The following ANKH variants were observed in gnomAD, a reference collection of about 807,000 sequenced individuals.
ANKH encodes ANKH inorganic pyrophosphate transport regulator, also known as mineralization regulator ANKH.
Under a neutral mutation model 49.0 loss-of-function variants are expected in ANKH, and 15 were observed. The ratio of observed to expected loss-of-function variants is 0.31; its 90% CI spans 0.20 to 0.47. The LOEUF is 0.47. Among genes scored for constraint, ANKH ranks in the 20% least tolerant of loss-of-function variants. The pLI, the probability that ANKH is intolerant of heterozygous loss-of-function variation, is 1.00. For missense variants in ANKH, 429 were observed against 652.0 expected (o/e 0.66, Z 3.72); for synonymous variants, 273 against 260.0 (o/e 1.05, Z -0.48).
intron 1 of ANKH, among the ~76,000 whole-genome samples, chr5:14,771,407 T>C (rs546843768): frequency 2.6e-5 from 4 of 152,330 alleles, no homozygotes; most frequent in Admixed American, 2.6e-4. Flanking sequence ...ACAGCTGATC[T>C]ACATAAACTG....
At position 14,769,005 on chromosome 5, in the gene ANKH, C is replaced by A. The variant is rs1739338966; in HGVS notation, c.283G>T (p.Ala95Ser). 2 of 1,614,234 alleles carry A rather than the reference C, an allele frequency of 1.2e-6. No homozygotes were observed. Among genetic ancestry groups the A allele is most frequent in the Non-Finnish European group, 1.7e-6 (2 of 1,180,044 alleles). ...AGTGTGTGAAAGACGGCAGCGATGG[C>A]CCCTGCCACCACCATACACAGGACG... ...KAVLCMVVAG[A>S]IAAVFHTLIA... The change falls in exon 2 of 12, where the codon GCC becomes TCC. Residue 95 changes from alanine (A) to serine (S), a missense_variant. Around this residue, in one of 2 missense-constraint regions of ANKH, gnomAD observed 378 missense variants for 615.3 expected, o/e 0.61. Coordinates refer to ENST00000284268, the MANE Select transcript of ANKH (RefSeq NM_054027.6).
chr5:14,790,711 G>A (rs1191065520), intron 1 of ANKH, among the ~76,000 whole-genome samples: 3 of 152,196 alleles, frequency 2.0e-5, no homozygotes, highest in East Asian at 1.9e-4. Flanking sequence ...GGGTTCGAGC[G>A]ATTCTCTTGT....
intron 7 of ANKH, 152 bp from the exon 8 acceptor site, chr5:14,742,074 G>A: frequency 1.5e-6 from 1 of 684,104 alleles, no homozygotes; most frequent in Non-Finnish European, 2.7e-6. Flanking sequence ...GTCATGTTGA[G>A]TGTCTCTCGG....
chr5:14,826,445 C>T (rs528671383), intron 1 of ANKH, among the ~76,000 whole-genome samples: 7 of 152,300 alleles, frequency 4.6e-5, no homozygotes, highest in Non-Finnish European at 7.4e-5. Context: ...TTCATCAACT[C>T]ATATTTGTCA....
At chr5:14,825,732 A>T (rs1215279480) in intron 1 of ANKH, among the ~76,000 whole-genome samples, 1 of 152,158 alleles carries the variant, frequency 6.6e-6, no homozygotes, top group Non-Finnish European at 1.5e-5. Context: ...CAATGAGCTG[A>T]CTCATCTGAA....
At chr5:14,718,171 G>A (rs755105772) in intron 8 of ANKH, among the ~76,000 whole-genome samples, 1 of 152,098 alleles carries the variant, frequency 6.6e-6, no homozygotes, top group Non-Finnish European at 1.5e-5. Context: ...TGAGGCCCTC[G>A]CAGGTGAGAA....
At chr5:14,818,644 C>CAAAAA (rs34629052) in intron 1 of ANKH, among the ~76,000 whole-genome samples, 5 of 64,888 alleles carry the variant, frequency 7.7e-5, no homozygotes, top group Non-Finnish European at 1.1e-4. Flanking sequence ...AACTCCATCT[C>CAAAAA]AAAAAAAAAA....
At position 14,718,806 on chromosome 5, in the gene ANKH, C is replaced by T. The variant is rs1435433382; in HGVS notation, c.1012-1971G>A. On this transcript the variant is annotated intron_variant, in intron 8 of 11. Transcript: ENST00000284268. ...TGCACTCCAGCCTGGGCAACAAAAGCGAAACTCCATCCTCCCAACACCACC... is the reference window on the plus strand; with the variant it reads ...TGCACTCCAGCCTGGGCAACAAAAGTGAAACTCCATCCTCCCAACACCACC... 4.4e-5 allele frequency among the ~76,000 whole-genome samples: 6 copies of T among 137,476 alleles called. No individual in the cohort carries two copies. The South Asian group carries it at 1.2e-3, about 27-fold the overall frequency. 90.2% of individuals were successfully genotyped at this position (137,476 alleles called of 152,430 possible). A position where few individuals can be genotyped will look rare whatever the true frequency, so the allele number is the denominator to read the frequency against.
rs569832236 is a variant in ANKH at position 14,793,471 on chromosome 5, C to CA, written c.97-24281dup. Among the ~76,000 whole-genome samples, 365 of 152,066 alleles carry CA rather than the reference C, an allele frequency of 2.4e-3. 2 individuals carry two copies. Among genetic ancestry groups the CA allele is most frequent in the African/African-American group, 8.5e-3 (351 of 41,464 alleles). On this transcript the variant is annotated intron_variant, in intron 1 of 11. Transcript: ENST00000284268. ...CAGTGTGGTGAGGACTGCAGGGGAT[C>CA]AGAGGCAGTGAGACCACCGGACACC... is the stretch of plus-strand genomic sequence containing the variant.
In ANKH at chr5:14,711,134, A is replaced by AGAGAT. The variant is rs1383183856; in HGVS notation, c.*58_*62dup. On this transcript the variant is annotated 3_prime_UTR_variant, in exon 12 of 12. Coordinates refer to ENST00000284268, the MANE Select transcript of ANKH (RefSeq NM_054027.6). ...GGAACAAAATACGATGGGAGAGGGA[A>AGAGAT]GAGATGATGCCGAAGTGTCATCCTG... 7 of 1,309,778 alleles carry AGAGAT rather than the reference A, an allele frequency of 5.3e-6. No homozygotes were observed. The highest frequency in any genetic ancestry group is 2.3e-5 in the East Asian group (1 of 43,488). The allele number at this position is 1,309,778 out of a possible 1,614,324, so 81.1% of individuals were successfully genotyped here.
At chr5:14,763,810 T>C (rs1021589525) in intron 2 of ANKH, among the ~76,000 whole-genome samples, 1 of 152,180 alleles carries the variant, frequency 6.6e-6, no homozygotes, top group Non-Finnish European at 1.5e-5. Flanking sequence ...ACTGGGAGGC[T>C]GGGCACGGTG....
At chr5:14,807,362 G>A (rs993484505) in intron 1 of ANKH, among the ~76,000 whole-genome samples, 7 of 152,034 alleles carry the variant, frequency 4.6e-5, no homozygotes, top group African/African-American at 1.2e-4. Flanking sequence ...TGATCCACCC[G>A]CCTTGGCCTC....
intron 1 of ANKH, among the ~76,000 whole-genome samples, chr5:14,783,092 A>T (rs1228432251): frequency 1.3e-5 from 2 of 152,172 alleles, no homozygotes; most frequent in African/African-American, 4.8e-5. Flanking sequence ...AGTTTTGTGA[A>T]TGAGTTCTAA....
intron 8 of ANKH, among the ~76,000 whole-genome samples, chr5:14,738,098 T>C (rs529468378): frequency 7.9e-5 from 12 of 152,230 alleles, no homozygotes; most frequent in Non-Finnish European, 1.6e-4. Context: ...AACCCAGTGA[T>C]CAACAAAACT....
At chr5:14,849,124 T>A (rs1400138800) in intron 1 of ANKH, among the ~76,000 whole-genome samples, 1 of 152,218 alleles carries the variant, frequency 6.6e-6, no homozygotes, top group Non-Finnish European at 1.5e-5. Context: ...GTGCTATGCT[T>A]ACTTCCATCC....
intron 8 of ANKH, among the ~76,000 whole-genome samples, chr5:14,726,972 A>G (rs959268475): frequency 6.6e-6 from 1 of 152,194 alleles, no homozygotes; most frequent in African/African-American, 2.4e-5. Context: ...ATGCTTCCAC[A>G]TCCGCGTCTT....
intron 2 of ANKH, among the ~76,000 whole-genome samples, chr5:14,767,615 G>C (rs1353020539): frequency 1.3e-5 from 2 of 152,056 alleles, no homozygotes; most frequent in East Asian, 3.8e-4. Context: ...TTCTCTTCCA[G>C]AATTACTGAC....
At chr5:14,858,783 GA>G (rs1268876659) in intron 1 of ANKH, among the ~76,000 whole-genome samples, 3 of 150,132 alleles carry the variant, frequency 2.0e-5, no homozygotes, top group African/African-American at 7.3e-5. Flanking sequence ...TATATGCACA[GA>G]AAAGAGATAA....
At chr5:14,731,991 G>A (rs1479370693) in intron 8 of ANKH, among the ~76,000 whole-genome samples, 1 of 152,200 alleles carries the variant, frequency 6.6e-6, no homozygotes, top group African/African-American at 2.4e-5. Context: ...AGCATCACGT[G>A]TGCCCCACAG....
Sources: gnomAD v4.1 joint callset for allele counts (sites outside exome capture counted in the v4.1 genomes callset) on GRCh38, gnomAD v4.1.1 for gene constraint, gnomAD v4.1.1 regional missense constraint, MANE v1.5 for transcripts, NCBI Gene and HGNC (gene_info 2026-07-23, HGNC 2026-07-21) for gene names.